The following SRPK2 variants were observed in gnomAD, a reference collection of about 807,000 sequenced individuals.
The protein encoded by SRPK2 is SRSF protein kinase 2.
A neutral mutation model predicts 90.8 loss-of-function variants in SRPK2; 21 were observed. The observed-to-expected ratio is 0.23, with a 90% confidence interval of 0.16 to 0.33. The LOEUF is 0.33. SRPK2 is among the 10% of genes least tolerant of loss of function. The pLI, the probability that SRPK2 is intolerant of heterozygous loss-of-function variation, is 1.00. For synonymous variants in SRPK2, 288 were observed against 311.1 expected, an observed-to-expected ratio of 0.93 and a Z score of 0.78; for missense variants, 620 against 869.0, an observed-to-expected ratio of 0.71 and a Z score of 3.60.
chr7:105,371,035 G>A (rs192375495), intron 2 of SRPK2, among the ~76,000 whole-genome samples: 2 of 152,236 alleles, frequency 1.3e-5, no homozygotes, highest in Admixed American at 1.3e-4. Flanking sequence ...TATCTAGTGA[G>A]GCTAAGAATT....
chr7:105,235,559 G>A (rs1017082066), intron 2 of SRPK2, among the ~76,000 whole-genome samples: 6 of 151,920 alleles, frequency 3.9e-5, no homozygotes, highest in Middle Eastern at 3.2e-3. Context: ...ACTCATTCTC[G>A]TTCATGTCAG....
At chr7:105,121,540 C>G (rs1800385427) in intron 15 of SRPK2, among the ~76,000 whole-genome samples, 2 of 152,206 alleles carry the variant, frequency 1.3e-5, no homozygotes, top group Admixed American at 1.3e-4. Flanking sequence ...CTGTGACTAT[C>G]AGCTGTCAAT....
intron 7 of SRPK2, among the ~76,000 whole-genome samples, chr7:105,149,105 G>A (rs1033838434): frequency 1.3e-5 from 2 of 152,130 alleles, no homozygotes; most frequent in African/African-American, 4.8e-5. Flanking sequence ...GTGCTGAGAT[G>A]GATTAGTAAA....
intron 2 of SRPK2, among the ~76,000 whole-genome samples, chr7:105,337,638 A>T (rs1815264968): frequency 6.6e-6 from 1 of 152,058 alleles, no homozygotes. Context: ...ATATAAAGAG[A>T]GACACCAGAC....
intron 2 of SRPK2, among the ~76,000 whole-genome samples, chr7:105,247,531 A>AAC (rs59040708): frequency 0.035 from 5,133 of 145,226 alleles, 101 homozygotes; most frequent in Middle Eastern, 0.09. Flanking sequence ...CACACACATA[A>AAC]ACACACACAC....
At chr7:105,282,896 A>G (rs1208787352) in intron 2 of SRPK2, among the ~76,000 whole-genome samples, 2 of 12,648 alleles carry the variant, frequency 1.6e-4, no homozygotes, top group African/African-American at 8.1e-4. Context: ...CGTAACTGAT[A>G]AAAAAAAAAA....
intron 2 of SRPK2, chr7:105,204,728 A>G (rs1585166589): frequency 1.4e-6 from 1 of 712,960 alleles, no homozygotes; most frequent in Non-Finnish European, 2.3e-6. Context: ...TGACAAACAT[A>G]TTGTGGTCTG....
chr7:105,382,717 T>G (rs560309583), intron 2 of SRPK2, among the ~76,000 whole-genome samples: 1 of 152,156 alleles, frequency 6.6e-6, no homozygotes, highest in Non-Finnish European at 1.5e-5. Context: ...CATTAAGTGA[T>G]AGAGAACAGA....
At chr7:105,211,869 G>C (rs1585194780) in intron 2 of SRPK2, among the ~76,000 whole-genome samples, 1 of 152,144 alleles carries the variant, frequency 6.6e-6, no homozygotes, top group East Asian at 1.9e-4. Context: ...AGTTAGTAAG[G>C]ATGTAAGTAA....
intron 2 of SRPK2, among the ~76,000 whole-genome samples, chr7:105,323,898 T>A (rs1813218263): frequency 6.6e-6 from 1 of 151,906 alleles, no homozygotes; most frequent in Admixed American, 6.6e-5. Flanking sequence ...TCAAGTATGC[T>A]CAAGAAAAAT....
intron 2 of SRPK2, among the ~76,000 whole-genome samples, chr7:105,213,290 C>A (rs568509246): frequency 2.6e-5 from 4 of 152,068 alleles, no homozygotes; most frequent in Non-Finnish European, 5.9e-5. Context: ...AAGTGGGATA[C>A]CAAGCAGCAT....
chr7:105,321,069 G>A (rs934631087), intron 2 of SRPK2, among the ~76,000 whole-genome samples: 1 of 152,142 alleles, frequency 6.6e-6, no homozygotes, highest in African/African-American at 2.4e-5. Context: ...CTGACCCCAA[G>A]TGATCTTCCC....
intron 2 of SRPK2, among the ~76,000 whole-genome samples, chr7:105,290,300 C>T (rs918929990): frequency 6.6e-6 from 1 of 151,230 alleles, no homozygotes; most frequent in Non-Finnish European, 1.5e-5. Flanking sequence ...TGGTGCAAGC[C>T]TGTTTCTATA....
intron 2 of SRPK2, among the ~76,000 whole-genome samples, chr7:105,353,503 TTTGTTGTTG>T (rs34789062): frequency 2.3e-3 from 330 of 146,194 alleles, no homozygotes; most frequent in African/African-American, 1.9e-3. Flanking sequence ...TCCAGCCCAG[TTTGTTGTTG>T]TTGTTGTTGT....
chr7:105,124,764 TTTA>T (rs1369767974), intron 15 of SRPK2, among the ~76,000 whole-genome samples: 3 of 152,046 alleles, frequency 2.0e-5, no homozygotes, highest in African/African-American at 7.2e-5. Context: ...TTAAAAGTTC[TTTA>T]TTAAGGGCTG....
At chr7:105,377,130 G>A (rs952761911) in intron 2 of SRPK2, among the ~76,000 whole-genome samples, 1 of 151,962 alleles carries the variant, frequency 6.6e-6, no homozygotes. Context: ...GACTAACACT[G>A]CTGACCACGC....
chr7:105,351,572 G>A (rs1324927625), intron 2 of SRPK2, among the ~76,000 whole-genome samples: 3 of 151,980 alleles, frequency 2.0e-5, no homozygotes, highest in Admixed American at 2.0e-4. Context: ...GGTGGCCGAG[G>A]CAGGAGGATC....
At chr7:105,160,019 A>G (rs1486067352) in intron 7 of SRPK2, among the ~76,000 whole-genome samples, 2 of 152,236 alleles carry the variant, frequency 1.3e-5, no homozygotes, top group African/African-American at 4.8e-5. Flanking sequence ...CAAGTACACA[A>G]TAATGTTAAC....
intron 2 of SRPK2, among the ~76,000 whole-genome samples, chr7:105,355,398 A>G (rs182783033): frequency 5.5e-4 from 84 of 152,260 alleles, no homozygotes; most frequent in African/African-American, 1.9e-3. Context: ...TAATCCCAAC[A>G]CTTTGGCAAA....
Sources: gnomAD v4.1 joint callset for allele counts (sites outside exome capture counted in the v4.1 genomes callset) on GRCh38, gnomAD v4.1.1 for gene constraint, MANE v1.5 for transcripts, NCBI Gene and HGNC (gene_info 2026-07-23, HGNC 2026-07-21) for gene names.